The following PARP10 variants were observed in gnomAD, a reference collection of about 807,000 sequenced individuals.
PARP10 encodes the protein poly(ADP-ribose) polymerase family member 10, also known as protein mono-ADP-ribosyltransferase PARP10.
In PARP10, 56 loss-of-function variants were observed where a neutral mutation model predicts 82.4. The ratio of observed to expected loss-of-function variants is 0.68; its 90% CI spans 0.55 to 0.85. PARP10 has a LOEUF of 0.85. Among genes scored for constraint, PARP10 ranks in the 40% least tolerant of loss-of-function variants. PARP10 has a pLI of 0.00. For synonymous variants in PARP10, 576 were observed against 601.1 expected, an observed-to-expected ratio of 0.96 and a Z score of 0.61; for missense variants, 1,227 against 1,379.4, an observed-to-expected ratio of 0.89 and a Z score of 1.75.
upstream of PARP10, chr8:143,991,191 C>T (rs782002411): frequency 1.3e-6 from 2 of 1,511,368 alleles, no homozygotes; most frequent in Admixed American, 2.2e-5. Context: ...CCTTGTCTGT[C>T]TTCTCTAGGG....
chr8:143,990,773 C>T (rs1230616651), upstream of PARP10: 2 of 152,656 alleles, frequency 1.3e-5, no homozygotes, highest in African/African-American at 4.8e-5. This position sits in a 1 kb window ranked among gnomAD's most constrained non-coding sequence, Gnocchi z 5.6. Context: ...GCTCCGGCCC[C>T]TTAAAGCTGC....
rs1833921823 is a variant in PARP10, at chr8:143,983,769, A to C, written c.1820T>G (p.Leu607Arg). The C allele has an allele frequency of 6.2e-7, 1 of 1,609,052 alleles. No individual in the cohort carries two copies. Among genetic ancestry groups the C allele is most frequent in the Non-Finnish European group, 8.5e-7 (1 of 1,177,050 alleles). ...ELLATLEGLD[L>R]DGEDWLPREL... ...CCGAGGCAGCCAGTCCTCCCCGTCT[A>C]GGTCTAGGCCCTCCAGGGTGGCCAG... is the stretch of plus-strand genomic sequence containing the variant. Residue 607 changes from leucine to arginine, a missense_variant, in exon 8 of 11, where the codon CTA becomes CGA. Transcript: ENST00000313028.
upstream of PARP10, chr8:143,986,583 G>T (rs2133054913): frequency 1.4e-6 from 1 of 699,660 alleles, no homozygotes; most frequent in South Asian, 1.8e-5. Flanking sequence ...GGAGGTATTG[G>T]CCAGGCTGGA....
intron 1 of PARP10, among the ~76,000 whole-genome samples, chr8:144,007,735 A>G (rs530873274): frequency 1.3e-3 from 193 of 152,276 alleles, no homozygotes; most frequent in African/African-American, 4.3e-3. Flanking sequence ...AGGTGAGGCT[A>G]GAGGCGAGAA....
At position 144,002,437 on chromosome 8, in the gene PARP10, A is replaced by G. The variant is rs562544053; in HGVS notation, c.-80+10093T>C. Among the ~76,000 whole-genome samples, 4 of 152,356 alleles carry G rather than the reference A, an allele frequency of 2.6e-5. No individual in the cohort carries two copies. In the South Asian group the frequency reaches 6.2e-4, roughly 24 times the overall value. On this transcript the variant is annotated intron_variant, in intron 1 of 3. Transcript: ENST00000530478. ...AATAAGCTGATTCTAAAATTGACAT[A>G]GAAGAGTAAAAGAACAGGAATACAC...
upstream of PARP10, among the ~76,000 whole-genome samples, chr8:143,993,859 C>G (rs569727761): frequency 6.6e-6 from 1 of 152,360 alleles, no homozygotes; most frequent in Non-Finnish European, 1.5e-5. Context: ...TCTCTCCAGC[C>G]TCCCCATGAG....
At chr8:143,993,660 CTG>C (rs1554750962), upstream of PARP10, among the ~76,000 whole-genome samples, 1 of 152,224 alleles carries the variant, frequency 6.6e-6, no homozygotes, top group Non-Finnish European at 1.5e-5. Flanking sequence ...AGTGGCCTGG[CTG>C]TGTCTACCAG....
chr8:144,012,395 C>G (rs1384977721), intron 1 of PARP10: 1 of 777,588 alleles, frequency 1.3e-6, no homozygotes, highest in Non-Finnish European at 2.1e-6. Context: ...ATACCCAGGG[C>G]CCACTGGGCC....
intron 9 of PARP10, among the ~76,000 whole-genome samples, chr8:143,979,033 C>T (rs1456068139): frequency 6.6e-6 from 1 of 150,874 alleles, no homozygotes; most frequent in African/African-American, 2.4e-5. Flanking sequence ...AGTGCAGTGG[C>T]ACGATCTCGG....
chr8:143,986,420 C>T lies in PARP10; in HGVS notation c.-61G>A. The stretch of plus-strand genomic sequence containing the variant: ...TCAGCCAGGACTCCTGTGCCTGCCC[C>T]TCAGCAAGCCTAACCCTGCTGGGAG... On this transcript the variant is annotated 5_prime_UTR_variant, in exon 1 of 11. Coordinates refer to ENST00000313028, the MANE Select transcript of PARP10 (RefSeq NM_032789.5). 1.2e-6 allele frequency: 2 copies of T among 1,613,774 alleles called. No homozygotes were observed. Among genetic ancestry groups the T allele is most frequent in the Admixed American group, 1.7e-5 (1 of 59,976 alleles).
upstream of PARP10, among the ~76,000 whole-genome samples, chr8:143,995,016 G>A (rs1165204741): frequency 6.6e-6 from 1 of 152,182 alleles, no homozygotes; most frequent in Non-Finnish European, 1.5e-5. Context: ...GTTTTCTTGA[G>A]GAGTTTGAGA....
At chr8:144,010,850 A>G (rs1564263366) in intron 1 of PARP10, among the ~76,000 whole-genome samples, 1 of 152,200 alleles carries the variant, frequency 6.6e-6, no homozygotes, top group Non-Finnish European at 1.5e-5. Flanking sequence ...GTGACACTGC[A>G]TTGCAGCCTG....
At position 144,005,520 on chromosome 8, in the gene PARP10, G is replaced by C. The variant is rs371447162; in HGVS notation, c.-80+7010C>G. ...AAAATCAGGACAGTTCTTTGAATGA[G>C]GGTAGCTCCTCCTACTCCCTAGAAA... is the stretch of plus-strand genomic sequence containing the variant. On this transcript the variant is annotated intron_variant, in intron 1 of 3. Transcript: ENST00000530478. 5.9e-5 allele frequency among the ~76,000 whole-genome samples: 9 copies of C among 152,252 alleles called. No homozygotes were observed. The East Asian group carries it at 1.7e-3, about 29-fold the overall frequency.
chr8:143,977,338 T>TCC lies in PARP10; in HGVS notation c.*144_*145dup. On this transcript the variant is annotated 3_prime_UTR_variant, in exon 11 of 11. Transcript: ENST00000313028. ...CCCCCTCGGCCGCTGCTGACCGCCA[T>TCC]CCCCCACACCGCCTTCTGGAGCCCG... The TCC allele has an allele frequency of 1.2e-6, 1 of 860,906 alleles. No individual in the cohort carries two copies. Among genetic ancestry groups the TCC allele is most frequent in the Non-Finnish European group, 1.7e-6 (1 of 578,024 alleles). 53.3% of individuals were successfully genotyped at this position (860,906 alleles called of 1,614,324 possible).
Position 143,985,298 on chromosome 8 carries a change from C to T in PARP10, c.704G>A (p.Arg235Gln), listed in dbSNP as rs201428508. Reference protein sequence around the residue: ...VAERVLQQEHRLQGSELSLVP... With the variant: ...VAERVLQQEHQLQGSELSLVP... ...AAGGCTCAGCTCTGAGCCCTGCAACCGGTGCTCCTGCTGCAACACTCGTTC... is the reference window on the plus strand; with the variant it reads ...AAGGCTCAGCTCTGAGCCCTGCAACTGGTGCTCCTGCTGCAACACTCGTTC... Residue 235 changes from arginine to glutamine, a missense_variant, in exon 5 of 11, where the codon CGG becomes CAG. By Grantham distance (43) the Arg-to-Gln change is conservative. Coordinates refer to ENST00000313028, the MANE Select transcript of PARP10 (RefSeq NM_032789.5). The T allele has an allele frequency of 2.2e-4, 357 of 1,611,060 alleles. No homozygotes were observed. Among genetic ancestry groups the T allele is most frequent in the Non-Finnish European group, 2.7e-4 (319 of 1,178,378 alleles).
At chr8:143,988,477 A>AT (rs1196930125), upstream of PARP10, among the ~76,000 whole-genome samples, 1 of 143,464 alleles carries the variant, frequency 7.0e-6, no homozygotes, top group African/African-American at 2.6e-5. Context: ...TTATTTATTT[A>AT]TTTTTTGAGA....
At position 143,984,739 on chromosome 8, in the gene PARP10, C is replaced by T. The variant is rs146327917; in HGVS notation, c.1263G>A (p.Met421Ile). 24 of 1,613,576 alleles carry T rather than the reference C, an allele frequency of 1.5e-5. No individual in the cohort carries two copies. In the African/African-American group the frequency reaches 2.7e-4, roughly 18 times the overall value. The part of the protein sequence containing the change: ...EGLVGPMEIT[M>I]GSLEKAGPVS... The stretch of plus-strand genomic sequence containing the variant: ...CAGGCCCTGCCTTCTCCAGAGACCC[C>T]ATGGTGATCTCCATGGGACCCACCA... The change falls in exon 5 of 11, where the codon ATG becomes ATA. Residue 421 changes from methionine (M) to isoleucine (I), a missense_variant. Met to Ile is a conservative substitution (Grantham distance 10). Coordinates refer to ENST00000313028, the MANE Select transcript of PARP10 (RefSeq NM_032789.5).
chr8:143,987,547 T>C (rs782099088), upstream of PARP10, among the ~76,000 whole-genome samples: 75 of 152,170 alleles, frequency 4.9e-4, 1 homozygote, highest in Non-Finnish European at 1.8e-4. Flanking sequence ...GTGAGCCTTG[T>C]AAAATGACAC....
intron 1 of PARP10, among the ~76,000 whole-genome samples, chr8:144,003,909 C>A (rs1554751893): frequency 6.6e-6 from 1 of 151,790 alleles, no homozygotes; most frequent in African/African-American, 2.4e-5. Context: ...GTGACACATG[C>A]CTATAGTCCT....
Sources: allele counts gnomAD v4.1 joint callset (sites outside exome capture counted in the v4.1 genomes callset), GRCh38; gene constraint gnomAD v4.1.1; non-coding constraint Gnocchi (gnomAD v3.1); transcripts MANE v1.5; gene names NCBI Gene and HGNC (gene_info 2026-07-23, HGNC 2026-07-21).